The following ITPR2 variants were observed in gnomAD, a reference collection of about 807,000 sequenced individuals.
ITPR2 encodes inositol 1,4,5-trisphosphate receptor type 2.
A neutral mutation model predicts 317.1 loss-of-function variants in ITPR2; 207 were observed. That is an observed-to-expected ratio of 0.65 (90% CI 0.58 to 0.73). ITPR2 has a LOEUF of 0.73. Among genes scored for constraint, ITPR2 ranks in the 30% least tolerant of loss-of-function variants. The pLI is 0.00. For missense variants in ITPR2, 2,613 were observed against 3,284.0 expected, an observed-to-expected ratio of 0.80 and a Z score of 4.99; for synonymous variants, 1,156 against 1,149.1, an observed-to-expected ratio of 1.01 and a Z score of -0.12.
intron 34 of ITPR2, among the ~76,000 whole-genome samples, chr12:26,571,224 T>A (rs1171421833): frequency 6.6e-6 from 1 of 152,226 alleles, no homozygotes; most frequent in Admixed American, 6.5e-5. Flanking sequence ...ATATACATGG[T>A]ATATTCACAA....
chr12:26,408,620 T>A (rs879533332), intron 52 of ITPR2, among the ~76,000 whole-genome samples: 6 of 152,202 alleles, frequency 3.9e-5, no homozygotes, highest in Non-Finnish European at 8.8e-5. Context: ...GCTACCACGC[T>A]GTGGGTGAGA....
chr12:26,426,622 G>A (rs1367804687), intron 49 of ITPR2, among the ~76,000 whole-genome samples: 3 of 151,954 alleles, frequency 2.0e-5, no homozygotes, highest in Admixed American at 2.0e-4. Context: ...TCCCTTTATT[G>A]ACAATGATTG....
chr12:26,568,340 A>G (rs773977409), intron 34 of ITPR2, among the ~76,000 whole-genome samples: 106 of 152,020 alleles, frequency 7.0e-4, no homozygotes, highest in Non-Finnish European at 1.1e-3. Flanking sequence ...ATGGGTTGTT[A>G]TCAATGCATT....
chr12:26,618,954 G>A (rs182073020), intron 26 of ITPR2, among the ~76,000 whole-genome samples: 33 of 152,262 alleles, frequency 2.2e-4, no homozygotes, highest in African/African-American at 7.0e-4. Flanking sequence ...TACTAAGCAA[G>A]GAAAATGTTA....
At chr12:26,692,190 T>C (rs1253907867) in intron 10 of ITPR2, among the ~76,000 whole-genome samples, 4 of 152,172 alleles carry the variant, frequency 2.6e-5, no homozygotes, top group African/African-American at 9.7e-5. Flanking sequence ...CCTGGAACAT[T>C]TCTGTTGATG....
At chr12:26,562,524 A>G (rs1430131252) in intron 34 of ITPR2, among the ~76,000 whole-genome samples, 1 of 152,262 alleles carries the variant, frequency 6.6e-6, no homozygotes, top group African/African-American at 2.4e-5. Flanking sequence ...AATGCTTGTC[A>G]CAAAGAAAGC....
intron 37 of ITPR2, among the ~76,000 whole-genome samples, chr12:26,548,347 T>C (rs1455501283): frequency 6.6e-6 from 1 of 152,094 alleles, no homozygotes; most frequent in Admixed American, 6.5e-5. Flanking sequence ...GGCTAATGGA[T>C]GAAGACAGAT....
At chr12:26,730,275 T>A (rs1189858923) in intron 2 of ITPR2, among the ~76,000 whole-genome samples, 1 of 152,190 alleles carries the variant, frequency 6.6e-6, no homozygotes, top group East Asian at 1.9e-4. Flanking sequence ...ACAAGCCTAC[T>A]TTTTTTCAGT....
chr12:26,442,331 A>T (rs1421560541), intron 46 of ITPR2, among the ~76,000 whole-genome samples: 1 of 152,188 alleles, frequency 6.6e-6, no homozygotes, highest in African/African-American at 2.4e-5. Context: ...TATACTTATA[A>T]CATAGAATTA....
intron 13 of ITPR2, among the ~76,000 whole-genome samples, chr12:26,676,498 A>G (rs1052837062): frequency 1.3e-5 from 2 of 150,736 alleles, no homozygotes; most frequent in African/African-American, 4.8e-5. Flanking sequence ...AAAAAAGAGT[A>G]AAGGCAAAAT....
intron 48 of ITPR2, among the ~76,000 whole-genome samples, chr12:26,434,413 T>A (rs1941297653): frequency 6.6e-6 from 1 of 152,194 alleles, no homozygotes; most frequent in Middle Eastern, 3.2e-3. Flanking sequence ...GCCAGGCAAG[T>A]ATTACAAATA....
chr12:26,562,064 G>A, intron 34 of ITPR2, 112 bp from the exon 35 acceptor site: 1 of 712,624 alleles, frequency 1.4e-6, no homozygotes, highest in Non-Finnish European at 2.0e-6. Flanking sequence ...TTTAAACTCT[G>A]CCATTAACTT....
chr12:26,780,138 T>C (rs1950052038), intron 2 of ITPR2, among the ~76,000 whole-genome samples: 1 of 152,188 alleles, frequency 6.6e-6, no homozygotes, highest in African/African-American at 2.4e-5. Flanking sequence ...ATGGGCTCAG[T>C]AATATGGACT....
At chr12:26,564,192 A>G (rs1039099017) in intron 34 of ITPR2, among the ~76,000 whole-genome samples, 1 of 152,234 alleles carries the variant, frequency 6.6e-6, no homozygotes, top group African/African-American at 2.4e-5. Flanking sequence ...AATTAAGCAT[A>G]AAAGATCAAA....
chr12:26,345,933 C>T (rs1019466419), intron 55 of ITPR2, among the ~76,000 whole-genome samples: 11 of 152,284 alleles, frequency 7.2e-5, no homozygotes, highest in Middle Eastern at 3.4e-3. Context: ...GTACATCTTG[C>T]GATCATGCAT....
intron 21 of ITPR2, among the ~76,000 whole-genome samples, chr12:26,634,333 A>G (rs1005562340): frequency 1.8e-4 from 28 of 152,260 alleles, no homozygotes; most frequent in Admixed American, 1.8e-3. Context: ...AACTGTTGAG[A>G]TAAATCAGAG....
Position 26,832,016 on chromosome 12 carries a change from C to G in ITPR2, c.92+674G>C, listed in dbSNP as rs115364590. ...GGCTCAGCATTTCAGTGGGCCAAGG[C>G]CTGGGAAGGAGAGATAGCAGGTCTG... On this transcript the variant is annotated intron_variant, in intron 1 of 56. Transcript: ENST00000381340. Among the ~76,000 whole-genome samples, 363 of 151,910 alleles carry G rather than the reference C, an allele frequency of 2.4e-3. 3 individuals carry two copies. Among genetic ancestry groups the G allele is most frequent in the African/African-American group, 7.5e-3 (310 of 41,382 alleles).
At chr12:26,678,863 C>T (rs1347192217) in intron 13 of ITPR2, among the ~76,000 whole-genome samples, 1 of 152,192 alleles carries the variant, frequency 6.6e-6, no homozygotes, top group African/African-American at 2.4e-5. Context: ...AAGAGTGACT[C>T]GCACAGGATT....
At chr12:26,488,772 A>G (rs1373572819) in intron 39 of ITPR2, among the ~76,000 whole-genome samples, 1 of 152,226 alleles carries the variant, frequency 6.6e-6, no homozygotes, top group Non-Finnish European at 1.5e-5. Flanking sequence ...CAGTATATTA[A>G]TGAGGAGTTA....
Sources: allele counts gnomAD v4.1 joint callset (sites outside exome capture counted in the v4.1 genomes callset), GRCh38; gene constraint gnomAD v4.1.1; transcripts MANE v1.5; gene names NCBI Gene and HGNC (gene_info 2026-07-23, HGNC 2026-07-21).